The following SV2C variants were observed in gnomAD, a reference collection of about 807,000 sequenced individuals.
The protein encoded by SV2C is synaptic vesicle glycoprotein 2C.
Under a neutral mutation model 79.7 loss-of-function variants are expected in SV2C, and 49 were observed. The ratio of observed to expected loss-of-function variants is 0.61; its 90% CI spans 0.49 to 0.78. SV2C has a LOEUF of 0.78. Among genes scored for constraint, SV2C ranks in the 30% least tolerant of loss-of-function variants. SV2C has a pLI of 0.00. For synonymous variants in SV2C, 334 were observed against 333.2 expected, an observed-to-expected ratio of 1.00 and a Z score of -0.03; for missense variants, 833 against 912.9, an observed-to-expected ratio of 0.91 and a Z score of 1.13.
At chr5:76,079,067 A>C, upstream of SV2C, 1 of 396,948 alleles carries the variant, frequency 2.5e-6, no homozygotes, top group Non-Finnish European at 5.0e-6. Flanking sequence ...CGCCTGGTTG[A>C]ATATGACATA....
chr5:76,205,375 T>C lies in SV2C; in HGVS notation c.762-4361T>C, dbSNP rs538289777. 2.0e-4 allele frequency among the ~76,000 whole-genome samples: 31 copies of C among 152,360 alleles called. No homozygotes were observed. In the South Asian group the frequency reaches 6.2e-3, roughly 31 times the overall value. ...TATTTCATTTGTATAAATTAAGTTA[T>C]TTTGAATCTGGCTAATCTCACACCT... is the stretch of plus-strand genomic sequence containing the variant. On this transcript the variant is annotated intron_variant, in intron 3 of 12. Transcript: ENST00000502798.
Position 76,113,889 on chromosome 5 carries a change from C to T in SV2C, c.-101-17761C>T, listed in dbSNP as rs149527206. On this transcript the variant is annotated intron_variant, in intron 1 of 12. Coordinates refer to ENST00000502798, the MANE Select transcript of SV2C (RefSeq NM_014979.4). ...AGATCTCTTACGCTACTCTTTCTAA[C>T]GCATAGATTTGTACTTTCCTCCCCA... Among the ~76,000 whole-genome samples, 7 of 152,180 alleles carry T rather than the reference C, an allele frequency of 4.6e-5. No homozygotes were observed. The South Asian group carries it at 6.2e-4, about 14-fold the overall frequency.
the SV2C span, among the ~76,000 whole-genome samples, chr5:76,065,495 G>A: frequency 1.5e-3 from 226 of 152,232 alleles, 2 homozygotes; most frequent in African/African-American, 5.1e-3. Flanking sequence ...TTAGTAAGCC[G>A]TCTGCCTACA....
At chr5:75,875,640 AGCCT>A in the SV2C span, among the ~76,000 whole-genome samples, 506 of 152,322 alleles carry the variant, frequency 3.3e-3, 2 homozygotes, top group Admixed American at 5.8e-3. Context: ...CGGGGTAAAC[AGCCT>A]ACAGAATGAG....
At chr5:76,029,298 C>T in the SV2C span, among the ~76,000 whole-genome samples, 1 of 152,170 alleles carries the variant, frequency 6.6e-6, no homozygotes, top group Non-Finnish European at 1.5e-5. Context: ...CTATAGTCAC[C>T]ATGTCATACA....
At chr5:75,922,308 A>G in the SV2C span, among the ~76,000 whole-genome samples, 1 of 152,168 alleles carries the variant, frequency 6.6e-6, no homozygotes, top group Non-Finnish European at 1.5e-5. Context: ...CTCAGCTGTT[A>G]TTATGCTCAA....
Position 76,083,489 on chromosome 5 carries a change from C to A in SV2C, c.-125C>A, listed in dbSNP as rs7448740. On this transcript the variant is annotated 5_prime_UTR_variant, in exon 1 of 13. Coordinates refer to ENST00000502798, the MANE Select transcript of SV2C (RefSeq NM_014979.4). ...GCTGCAGTGCTGACACCACTCAGGG[C>A]AAGGGTGTCCGACGGCTGGAGCGGT... The A allele has an allele frequency of 0.2, 29,772 of 152,306 alleles. 3,164 individuals carry two copies. The highest frequency in any genetic ancestry group is 0.43 in the East Asian group (2,201 of 5,146). The allele number at this position is 152,306 out of a possible 1,614,324, so 9.4% of individuals were successfully genotyped here. A position where few individuals can be genotyped will look rare whatever the true frequency, so the allele number is the denominator to read the frequency against.
chr5:76,312,044 A>G (rs1227120589), intron 12 of SV2C, among the ~76,000 whole-genome samples: 1 of 152,170 alleles, frequency 6.6e-6, no homozygotes, highest in Non-Finnish European at 1.5e-5. Flanking sequence ...CAGGGTCCCT[A>G]CTTTTCTCTC....
the SV2C span, among the ~76,000 whole-genome samples, chr5:75,920,507 A>AG: frequency 6.6e-5 from 10 of 152,208 alleles, no homozygotes; most frequent in Non-Finnish European, 1.2e-4. Context: ...CAGTGGGCTA[A>AG]GCGGGGAACA....
intron 1 of SV2C, among the ~76,000 whole-genome samples, chr5:76,126,054 A>C (rs1748695727): frequency 6.6e-6 from 1 of 152,122 alleles, no homozygotes; most frequent in African/African-American, 2.4e-5. Context: ...CCTGTCTCAA[A>C]AAACAAACAA....
chr5:75,896,052 CTTTTT>C, the SV2C span, among the ~76,000 whole-genome samples: 1 of 151,478 alleles, frequency 6.6e-6, no homozygotes, highest in Non-Finnish European at 1.5e-5. Flanking sequence ...TTGGATAGTT[CTTTTT>C]TTATTTTATT....
chr5:76,271,585 T>C (rs1053257340), intron 4 of SV2C, among the ~76,000 whole-genome samples: 12 of 151,108 alleles, frequency 7.9e-5, no homozygotes, highest in African/African-American at 2.7e-4. Flanking sequence ...CAAGCTCCAG[T>C]GTATTTCAAA....
intron 1 of SV2C, among the ~76,000 whole-genome samples, chr5:76,114,768 G>T (rs535370778): frequency 6.8e-4 from 103 of 152,354 alleles, no homozygotes; most frequent in African/African-American, 2.3e-3. Context: ...CCCAGCCTGT[G>T]CTCGCCGGCT....
intron 1 of SV2C, among the ~76,000 whole-genome samples, chr5:76,104,873 A>G (rs1026816851): frequency 6.6e-6 from 1 of 152,168 alleles, no homozygotes; most frequent in Non-Finnish European, 1.5e-5. Flanking sequence ...CATGCCTTAG[A>G]AAAACTTCTT....
the SV2C span, among the ~76,000 whole-genome samples, chr5:76,055,535 A>T: frequency 6.6e-6 from 1 of 152,186 alleles, no homozygotes; most frequent in South Asian, 2.1e-4. Flanking sequence ...TTCTTTGAAG[A>T]TGTCAATGGT....
chr5:76,180,385 A>AT (rs1743683379), intron 2 of SV2C, among the ~76,000 whole-genome samples: 1 of 152,252 alleles, frequency 6.6e-6, no homozygotes, highest in South Asian at 2.1e-4. Context: ...GACAAGACAC[A>AT]TAGTAGCACT....
the SV2C span, among the ~76,000 whole-genome samples, chr5:76,054,041 T>C: frequency 6.6e-6 from 1 of 152,102 alleles, no homozygotes; most frequent in African/African-American, 2.4e-5. Context: ...GTTTGTTACA[T>C]AGGTATGCAA....
chr5:76,164,364 G>A (rs571372859), intron 2 of SV2C, among the ~76,000 whole-genome samples: 1 of 152,116 alleles, frequency 6.6e-6, no homozygotes, highest in Non-Finnish European at 1.5e-5. Context: ...AGCCACATAC[G>A]TTAGGGACCA....
intron 12 of SV2C, among the ~76,000 whole-genome samples, chr5:76,319,835 T>C (rs2112558330): frequency 6.6e-6 from 1 of 152,312 alleles, no homozygotes; most frequent in East Asian, 1.9e-4. Context: ...ATGCAAATCC[T>C]ATCTGGGTTA....
Sources: allele counts gnomAD v4.1 joint callset (sites outside exome capture counted in the v4.1 genomes callset), GRCh38; gene constraint gnomAD v4.1.1; transcripts MANE v1.5; gene names NCBI Gene and HGNC (gene_info 2026-07-23, HGNC 2026-07-21).